The following DCDC2C variants were observed in gnomAD, a reference collection of about 807,000 sequenced individuals.
The protein encoded by DCDC2C is doublecortin domain-containing protein 2C.
A neutral mutation model predicts 45.0 loss-of-function variants in DCDC2C; 44 were observed. That is an observed-to-expected ratio of 0.98 (90% confidence interval 0.77 to 1.26). The LOEUF (loss-of-function observed/expected upper bound fraction) is 1.26, where lower values mean the gene tolerates loss of function less well. DCDC2C is among the 50% of genes most tolerant of loss of function. The probability of loss-of-function intolerance (pLI) is 0.00; values close to 1 mark genes in which losing one functional copy is unlikely to be tolerated. For synonymous variants in DCDC2C, 187 were observed against 178.8 expected (o/e 1.05, Z -0.37); for missense variants, 447 against 468.9 (o/e 0.95, Z 0.43).
intron 2 of DCDC2C, among the ~76,000 whole-genome samples, chr2:3,716,903 A>G (rs1366701455): frequency 6.6e-6 from 1 of 152,074 alleles, no homozygotes; most frequent in Non-Finnish European, 1.5e-5. Flanking sequence ...ATTCCATTCT[A>G]TTGTATGGAT....
At chr2:3,742,179 G>A in intron 4 of DCDC2C, 131 bp downstream of exon 4, 2 of 1,105,654 alleles carry the variant, frequency 1.8e-6, no homozygotes, top group Admixed American at 3.6e-5. Flanking sequence ...AATTCTTCAA[G>A]CAGATAGTAT....
chr2:3,787,356 A>G (rs1670682398), intron 10 of DCDC2C, among the ~76,000 whole-genome samples: 1 of 152,186 alleles, frequency 6.6e-6, no homozygotes, highest in South Asian at 2.1e-4. Context: ...ATAATTTCCA[A>G]CTTGTGAAAT....
At chr2:3,799,929 A>G (rs933235216) in intron 10 of DCDC2C, among the ~76,000 whole-genome samples, 1 of 152,202 alleles carries the variant, frequency 6.6e-6, no homozygotes, top group Non-Finnish European at 1.5e-5. Context: ...TTGTTTACCT[A>G]AGCAATCCTG....
chr2:3,785,820 A>G (rs537394376), intron 10 of DCDC2C, among the ~76,000 whole-genome samples: 1 of 152,080 alleles, frequency 6.6e-6, no homozygotes, highest in Non-Finnish European at 1.5e-5. Flanking sequence ...GAGTGATGAC[A>G]CTTGGGGAGG....
At chr2:3,745,594 A>G (rs1484033490) in intron 4 of DCDC2C, among the ~76,000 whole-genome samples, 1 of 152,244 alleles carries the variant, frequency 6.6e-6, no homozygotes, top group Non-Finnish European at 1.5e-5. Context: ...AATGGGAACT[A>G]CAGCTACTGT....
At chr2:3,753,726 T>C (rs1373530373) in intron 5 of DCDC2C, among the ~76,000 whole-genome samples, 2 of 152,062 alleles carry the variant, frequency 1.3e-5, no homozygotes, top group African/African-American at 4.8e-5. Flanking sequence ...TCAGCACGAG[T>C]GCTTGAACCT....
chr2:3,813,072 T>A (rs1439105931), intron 10 of DCDC2C, among the ~76,000 whole-genome samples: 7,972 of 110,262 alleles, frequency 0.072, 469 homozygotes, highest in Non-Finnish European at 0.09. Context: ...TATATATTTT[T>A]TTTTTTTTGC....
intron 10 of DCDC2C, among the ~76,000 whole-genome samples, chr2:3,807,957 C>G (rs1455626652): frequency 1.3e-5 from 2 of 152,084 alleles, no homozygotes; most frequent in African/African-American, 4.8e-5. Flanking sequence ...TTATTCATTC[C>G]CCATTGAAGG....
chr2:3,723,535 C>T (rs1668552863), intron 2 of DCDC2C, among the ~76,000 whole-genome samples: 1 of 152,150 alleles, frequency 6.6e-6, no homozygotes, highest in South Asian at 2.1e-4. Flanking sequence ...AGAGACATGG[C>T]AGAGAGGCAG....
intron 4 of DCDC2C, among the ~76,000 whole-genome samples, chr2:3,747,154 C>T (rs1669391728): frequency 6.6e-6 from 1 of 152,194 alleles, no homozygotes; most frequent in African/African-American, 2.4e-5. Context: ...GCACGCAGCA[C>T]ACAGCACACA....
At chr2:3,749,563 T>C (rs1234668261) in intron 4 of DCDC2C, among the ~76,000 whole-genome samples, 2 of 152,216 alleles carry the variant, frequency 1.3e-5, no homozygotes, top group African/African-American at 2.4e-5. Flanking sequence ...CCCTTCACCC[T>C]GTGAGTAGAC....
intron 3 of DCDC2C, among the ~76,000 whole-genome samples, chr2:3,731,818 C>T (rs746304684): frequency 9.2e-5 from 14 of 152,166 alleles, no homozygotes; most frequent in Non-Finnish European, 1.6e-4. Flanking sequence ...CTTGAGCTCA[C>T]GAGGCCATGT....
In DCDC2C at chr2:3,796,371, G is replaced by A. The variant is rs1341069756; in HGVS notation, c.1065+11271G>A. On this transcript the variant is annotated intron_variant, in intron 10 of 10. Transcript: ENST00000399143. ...TGAATACCCTTTATTTCCTTCTCCC[G>A]CCTAATTGCCCTGGCCAGAACTTCC... Among the ~76,000 whole-genome samples the A allele has an allele frequency of 8.1e-5, 9 of 110,928 alleles. 1 individual carries two copies. The highest frequency in any genetic ancestry group is 2.3e-4 in the African/African-American group (6 of 25,988). The allele number at this position is 110,928 out of a possible 152,430, so 72.8% of individuals were successfully genotyped here.
intron 10 of DCDC2C, among the ~76,000 whole-genome samples, chr2:3,836,571 T>C (rs934383933): frequency 6.6e-6 from 1 of 152,148 alleles, no homozygotes. Context: ...GCTTAAAGAG[T>C]ACACTGGTCG....
At chr2:3,823,920 G>A (rs1049397108) in intron 10 of DCDC2C, among the ~76,000 whole-genome samples, 4 of 152,296 alleles carry the variant, frequency 2.6e-5, no homozygotes, top group Admixed American at 2.6e-4. Context: ...AGTATTTTAG[G>A]CTGTGTGCCA....
intron 6 of DCDC2C, among the ~76,000 whole-genome samples, chr2:3,766,529 C>T (rs1037419858): frequency 2.6e-5 from 4 of 152,048 alleles, no homozygotes; most frequent in Admixed American, 2.0e-4. Flanking sequence ...GATTTCAGCT[C>T]GTAGGAAAAC....
chr2:3,710,109 G>A (rs1412188077), intron 2 of DCDC2C, among the ~76,000 whole-genome samples: 1 of 152,106 alleles, frequency 6.6e-6, no homozygotes, highest in Non-Finnish European at 1.5e-5. Context: ...ATTGACAGAG[G>A]TGTCAAAAAT....
chr2:3,814,831 C>T (rs1283284011), intron 10 of DCDC2C, among the ~76,000 whole-genome samples: 4 of 152,256 alleles, frequency 2.6e-5, no homozygotes, highest in Admixed American at 2.6e-4. Context: ...CACAGACTGG[C>T]ACAGCCAGTG....
At chr2:3,769,219 G>A (rs779231518) in intron 7 of DCDC2C, 92 bp from the exon 8 acceptor site, 31 of 1,271,608 alleles carry the variant, frequency 2.4e-5, no homozygotes, top group Admixed American at 4.1e-5. Context: ...CAGGATGCCC[G>A]GCTTCGTAAC....
Sources: gnomAD v4.1 joint callset for allele counts (sites outside exome capture counted in the v4.1 genomes callset) on GRCh38, gnomAD v4.1.1 for gene constraint, MANE v1.5 for transcripts, NCBI Gene and HGNC (gene_info 2026-07-23, HGNC 2026-07-21) for gene names.